ALDOA: variants seen among roughly 807,000 people sequenced by gnomAD.
The protein encoded by ALDOA is aldolase, fructose-bisphosphate A.
In ALDOA, 26 loss-of-function variants were observed where a neutral mutation model predicts 43.9. That is an observed-to-expected ratio of 0.59 (90% CI 0.43 to 0.82). ALDOA has a LOEUF of 0.82. Among genes scored for constraint, ALDOA ranks in the 40% least tolerant of loss-of-function variants. The pLI is 0.00. For missense variants in ALDOA, 498 were observed against 549.5 expected (o/e 0.91, Z 0.94); for synonymous variants, 258 against 222.6 (o/e 1.16, Z -1.42).
upstream of ALDOA, chr16:30,064,707 T>A: frequency 2.8e-6 from 1 of 357,828 alleles, no homozygotes; most frequent in Non-Finnish European, 5.0e-6. Flanking sequence ...GGGCAGGAGC[T>A]GCCTTATAAC....
chr16:30,070,286 C>CTCT lies in ALDOA; in HGVS notation c.*76_*77insTTC. On this transcript the variant is annotated 3_prime_UTR_variant, in exon 10 of 10. Coordinates refer to ENST00000642816, the MANE Select transcript of ALDOA (RefSeq NM_001243177.4). The stretch of plus-strand genomic sequence containing the variant: ...CCACTCTTGAAGAGGAGGCCGCCTC[C>CTCT]TCGGGGCTCCAGGCTGGCTTGCCCG... 5.4e-6 allele frequency: 8 copies of CTCT among 1,468,910 alleles called. No homozygotes were observed. The highest frequency in any genetic ancestry group is 6.7e-6 in the Non-Finnish European group (7 of 1,049,834). 91.0% of individuals were successfully genotyped at this position (1,468,910 alleles called of 1,614,324 possible).
At chr16:30,064,709 C>T (rs1303899025), upstream of ALDOA, 3 of 375,038 alleles carry the variant, frequency 8.0e-6, no homozygotes, top group South Asian at 2.9e-4. Context: ...GCAGGAGCTG[C>T]CTTATAACCA....
chr16:30,068,386 G>T, intron 4 of ALDOA: 1 of 521,242 alleles, frequency 1.9e-6, no homozygotes. Flanking sequence ...TATTTTAATT[G>T]TAACTAAGTG....
Position 30,069,508 on chromosome 16 carries a change from G to A in ALDOA, c.796G>A (p.Ala266Thr). 6.2e-7 allele frequency: 1 copy of A among 1,614,078 alleles called. No individual in the cohort carries two copies. The change falls in exon 8 of 10, where the codon GCT becomes ACT. Residue 266 changes from alanine to threonine, a missense_variant. Transcript: ENST00000642816. ...GCCTGCTCTGCTCCAGGTGCTGGCT[G>A]CTGTCTACAAGGCTCTGAGTGACCA... is the stretch of plus-strand genomic sequence containing the variant. ...CQYVTEKVLA[A>T]VYKALSDHHI...
chr16:30,066,836 A>T, intron 1 of ALDOA, 49 bp from the exon 2 acceptor site: 1 of 1,524,162 alleles, frequency 6.6e-7, no homozygotes, highest in African/African-American at 1.4e-5. Flanking sequence ...CCTCTGCTTG[A>T]TTCACGATCT....
rs750157849 is a variant in ALDOA at position 30,067,542 on chromosome 16, C to T, written c.367C>T (p.Arg123Cys). ...CCAGCTGCTGCTGACAGCTGACGAC[C>T]GCGTGAACCCCTGCATTGGGGGTGT... Reference protein sequence around the residue: ...YRQLLLTADDRVNPCIGGVIL... With the variant: ...YRQLLLTADDCVNPCIGGVIL... The change falls in exon 4 of 10, where the codon CGC (arginine) becomes TGC (cysteine). Residue 123 changes from arginine to cysteine, a missense_variant. Transcript: ENST00000642816. 8.7e-6 allele frequency: 14 copies of T among 1,613,734 alleles called. No individual in the cohort carries two copies. Among genetic ancestry groups the T allele is most frequent in the South Asian group, 4.4e-5 (4 of 91,080 alleles).
At chr16:30,064,824 T>A (rs377324228), upstream of ALDOA, 37 of 232,870 alleles carry the variant, frequency 1.6e-4, 1 homozygote, top group African/African-American at 8.4e-4. Context: ...GGGGATGGGG[T>A]TGGGGTTGGG....
chr16:30,069,766 C>G (rs1283603718), intron 8 of ALDOA, 64 bp from the exon 9 acceptor site: 1 of 1,611,828 alleles, frequency 6.2e-7, no homozygotes, highest in Non-Finnish European at 8.5e-7. Flanking sequence ...GCAACTTCCA[C>G]CAGCTCCTGC....
intron 5 of ALDOA, 22 bp from the exon 6 acceptor site, chr16:30,068,796 T>C: frequency 1.2e-6 from 2 of 1,614,212 alleles, no homozygotes; most frequent in South Asian, 2.2e-5. Context: ...CACCGTGCTC[T>C]GACCCCTTCC....
rs1030625591 is a variant in ALDOA at position 30,067,629 on chromosome 16, A to G, written c.454A>G (p.Ile152Val). The change falls in exon 4 of 10, where the codon ATC (isoleucine) becomes GTC (valine). Residue 152 changes from isoleucine to valine, a missense_variant. Ile to Val is a conservative substitution (Grantham distance 29, BLOSUM62 3). Coordinates refer to ENST00000642816, the MANE Select transcript of ALDOA (RefSeq NM_001243177.4). ...TGATGGGCGTCCCTTCCCCCAAGTT[A>G]TCAAATCCAAGGGCGGTGTTGTGGG... ...ADDGRPFPQV[I>V]KSKGGVVGIK... The G allele has an allele frequency of 6.2e-7, 1 of 1,613,994 alleles. No homozygotes were observed. Among genetic ancestry groups the G allele is most frequent in the African/African-American group, 1.3e-5 (1 of 74,886 alleles).
At position 30,067,284 on chromosome 16, in the gene ALDOA, G is replaced by A. The variant is rs760287676; in HGVS notation, c.192G>A (p.Pro64=). 8.1e-6 allele frequency: 13 copies of A among 1,612,508 alleles called. No homozygotes were observed. The highest frequency in any genetic ancestry group is 2.2e-5 in the East Asian group (1 of 44,882). ...CCTACCAATATCCAGCACTGACCCCGGAGCAGAAGAAGGAGCTGTCTGACA... is the reference window on the plus strand; with the variant it reads ...CCTACCAATATCCAGCACTGACCCCAGAGCAGAAGAAGGAGCTGTCTGACA... The part of the protein sequence containing the change: ...TMPYQYPALT[P]EQKKELSDIA... Residue 64 remains proline, a synonymous_variant, in exon 3 of 10, where the codon CCG becomes CCA. Coordinates refer to ENST00000642816, the MANE Select transcript of ALDOA (RefSeq NM_001243177.4).
chr16:30,067,559 T>C lies in ALDOA; in HGVS notation c.384T>C (p.Ile128=), dbSNP rs2151016095. The change falls in exon 4 of 10, where the codon ATT becomes ATC. Residue 128 remains isoleucine (I), a synonymous_variant. Transcript: ENST00000642816. ...CTGACGACCGCGTGAACCCCTGCAT[T>C]GGGGGTGTCATCCTCTTCCATGAGA... ...LTADDRVNPC[I]GGVILFHETL... 1 of 1,613,586 alleles carries C rather than the reference T, an allele frequency of 6.2e-7. No homozygotes were observed. The highest frequency in any genetic ancestry group is 8.5e-7 in the Non-Finnish European group (1 of 1,179,982).
Position 30,069,053 on chromosome 16 carries a change from C to T in ALDOA, c.702+75C>T, listed in dbSNP as rs996407663. ...GTGTTGTTAATTTGCCTATTACCTGCCATGATGCCTACCTCCCCAAAAGCA... is the reference window on the plus strand; with the variant it reads ...GTGTTGTTAATTTGCCTATTACCTGTCATGATGCCTACCTCCCCAAAAGCA... On this transcript the variant is annotated intron_variant, in intron 6 of 9. Transcript: ENST00000642816. The T allele has an allele frequency of 1.4e-5, 23 of 1,596,914 alleles. No individual in the cohort carries two copies. In the African/African-American group the frequency reaches 3.0e-4, roughly 20 times the overall value.
At chr16:30,069,789 T>C (rs1421558893) in intron 8 of ALDOA, 41 bp from the exon 9 acceptor site, 1 of 1,613,078 alleles carries the variant, frequency 6.2e-7, no homozygotes, top group South Asian at 1.1e-5. Flanking sequence ...GCTTCCTGGG[T>C]CTCTGACCAC....
chr16:30,065,489 C>A (rs1314828775), upstream of ALDOA, among the ~76,000 whole-genome samples: 2 of 152,194 alleles, frequency 1.3e-5, no homozygotes, highest in African/African-American at 4.8e-5. Context: ...AGTCACGGCG[C>A]CCCAGAGCGC....
At position 30,067,376 on chromosome 16, in the gene ALDOA, G is replaced by C; in HGVS notation, c.274+10G>C. On this transcript the variant is annotated intron_variant, in intron 3 of 9. Coordinates refer to ENST00000642816, the MANE Select transcript of ALDOA (RefSeq NM_001243177.4). ...GCAGATGAGTCCACTGGTGCGGGCA[G>C]GAGACAGAATGGGTGGAGGGTGCAG... 6.2e-7 allele frequency: 1 copy of C among 1,614,124 alleles called. No individual in the cohort carries two copies. Among genetic ancestry groups the C allele is most frequent in the Non-Finnish European group, 8.5e-7 (1 of 1,180,040 alleles).
intron 8 of ALDOA, 46 bp downstream of exon 8, chr16:30,069,719 AC>A: frequency 6.2e-7 from 1 of 1,611,964 alleles, no homozygotes; most frequent in Non-Finnish European, 8.5e-7. Flanking sequence ...GATAAGCTCC[AC>A]CCACAACCCT....
Position 30,067,344 on chromosome 16 carries a change from C to T in ALDOA, c.252C>T (p.Ile84=), listed in dbSNP as rs777636671. 1.9e-6 allele frequency: 3 copies of T among 1,613,976 alleles called. No individual in the cohort carries two copies. In the Admixed American group the frequency reaches 5.0e-5, roughly 27 times the overall value. The change falls in exon 3 of 10, where the codon ATC becomes ATT. Residue 84 remains isoleucine (I), a synonymous_variant. Coordinates refer to ENST00000642816, the MANE Select transcript of ALDOA (RefSeq NM_001243177.4). ...GCATCGTGGCACCTGGCAAGGGCAT[C>T]CTGGCTGCAGATGAGTCCACTGGTG... ...AHRIVAPGKG[I]LAADESTGSI...
In ALDOA at chr16:30,066,998, C is replaced by T; in HGVS notation, c.101C>T (p.Pro34Leu). ...CCAGTTGCCAGTGGGCAACTCCACCCTCAGCTGGGCAACACCCAGCACCAG... is the reference window on the plus strand; with the variant it reads ...CCAGTTGCCAGTGGGCAACTCCACCTTCAGCTGGGCAACACCCAGCACCAG... Reference protein sequence around the residue: ...FPPVASGQLHPQLGNTQHQTE... With the variant: ...FPPVASGQLHLQLGNTQHQTE... Residue 34 changes from proline (P) to leucine (L), a missense_variant, in exon 2 of 10, where the codon CCT becomes CTT. Physicochemically the swap from Pro to Leu is moderately conservative, Grantham distance 98 (BLOSUM62 -3). Transcript: ENST00000642816. The T allele has an allele frequency of 6.4e-7, 1 of 1,564,560 alleles. No homozygotes were observed. Among genetic ancestry groups the T allele is most frequent in the Non-Finnish European group, 8.7e-7 (1 of 1,155,400 alleles).
Sources: gnomAD v4.1 joint callset for allele counts (sites outside exome capture counted in the v4.1 genomes callset) on GRCh38, gnomAD v4.1.1 for gene constraint, MANE v1.5 for transcripts, NCBI Gene and HGNC (gene_info 2026-07-23, HGNC 2026-07-21) for gene names.